MED26: variants seen among roughly 807,000 people sequenced by gnomAD.
MED26 encodes the protein mediator of RNA polymerase II transcription subunit 26.
Under a neutral mutation model 43.7 loss-of-function variants are expected in MED26, and 7 were observed. That is an observed-to-expected ratio of 0.16 (90% CI 0.09 to 0.30). The LOEUF (loss-of-function observed/expected upper bound fraction) is 0.30, where lower values mean the gene tolerates loss of function less well. Ranked by LOEUF, MED26 falls within the 10% of genes least tolerant of loss-of-function variation. The probability of loss-of-function intolerance (pLI) is 1.00; values close to 1 mark genes in which losing one functional copy is unlikely to be tolerated. For missense variants in MED26, 784 were observed against 840.6 expected (o/e 0.93, Z 0.83); for synonymous variants, 375 against 371.1 (o/e 1.01, Z -0.12).
At chr19:16,605,617 C>A (rs545435909) in intron 1 of MED26, among the ~76,000 whole-genome samples, 27 of 152,328 alleles carry the variant, frequency 1.8e-4, no homozygotes, top group African/African-American at 6.3e-4. Flanking sequence ...GGGCGCCCTG[C>A]CAGGAGCAGT....
intron 1 of MED26, among the ~76,000 whole-genome samples, chr19:16,580,575 GT>G (rs1253346168): frequency 6.6e-6 from 1 of 152,032 alleles, no homozygotes; most frequent in East Asian, 1.9e-4. Context: ...GTTTCACCAT[GT>G]TGAAGGCTGG....
intron 1 of MED26, among the ~76,000 whole-genome samples, chr19:16,589,872 G>C (rs533087109): frequency 6.6e-6 from 1 of 152,342 alleles, no homozygotes; most frequent in Non-Finnish European, 1.5e-5. Flanking sequence ...TTGTGGAGGA[G>C]GGGGAGGTGT....
intron 1 of MED26, among the ~76,000 whole-genome samples, chr19:16,581,721 G>A (rs889926658): frequency 6.6e-6 from 1 of 152,250 alleles, no homozygotes; most frequent in South Asian, 2.1e-4. Context: ...CCTGGAAACT[G>A]TGTGGGAGCT....
At chr19:16,597,792 A>T (rs2086128609) in intron 1 of MED26, among the ~76,000 whole-genome samples, 1 of 152,120 alleles carries the variant, frequency 6.6e-6, no homozygotes, top group African/African-American at 2.4e-5. Flanking sequence ...ATGTGATCTC[A>T]GCTCACCGCA....
At chr19:16,578,490 G>A (rs990056183) in intron 1 of MED26, 81 bp from the exon 2 acceptor site, 1 of 1,328,706 alleles carries the variant, frequency 7.5e-7, no homozygotes, top group African/African-American at 1.5e-5. Flanking sequence ...GCCTGCTCCA[G>A]TCTCTCCCCA....
At chr19:16,595,932 A>G (rs1317450384) in intron 1 of MED26, among the ~76,000 whole-genome samples, 1 of 152,126 alleles carries the variant, frequency 6.6e-6, no homozygotes, top group Admixed American at 6.5e-5. Flanking sequence ...TTTTTTCCTT[A>G]GGAATCAATT....
chr19:16,580,751 G>A (rs559246651), intron 1 of MED26, among the ~76,000 whole-genome samples: 27 of 152,238 alleles, frequency 1.8e-4, no homozygotes, highest in Middle Eastern at 3.4e-3. Context: ...AGCTTCTGGA[G>A]GGCACTGCAT....
intron 1 of MED26, among the ~76,000 whole-genome samples, chr19:16,622,774 G>C (rs1178217537): frequency 6.6e-6 from 1 of 152,186 alleles, no homozygotes; most frequent in African/African-American, 2.4e-5. Flanking sequence ...CAGTAACAAA[G>C]CACCCAGTTT....
chr19:16,575,955 C>T lies in MED26; in HGVS notation c.*72G>A. On this transcript the variant is annotated 3_prime_UTR_variant, in exon 3 of 3. Coordinates refer to ENST00000263390, the MANE Select transcript of MED26 (RefSeq NM_004831.5). ...GCGCAGGAGGCAGCTGGGCCCCGGC[C>T]ACCTGCCCACCTGCCTGCCCGCCCA... 1 of 1,465,404 alleles carries T rather than the reference C, an allele frequency of 6.8e-7. No individual in the cohort carries two copies. The highest frequency in any genetic ancestry group is 2.4e-5 in the East Asian group (1 of 42,132). The allele number at this position is 1,465,404 out of a possible 1,614,324, so 90.8% of individuals were successfully genotyped here. A position where few individuals can be genotyped will look rare whatever the true frequency, so the allele number is the denominator to read the frequency against.
At chr19:16,592,454 G>A (rs1367631510) in intron 1 of MED26, among the ~76,000 whole-genome samples, 1 of 152,350 alleles carries the variant, frequency 6.6e-6, no homozygotes. Context: ...GGTGGGGGAC[G>A]TACCGCCACC....
At chr19:16,622,446 AATGTATTCAGAGAAGGC>A (rs2086256238) in intron 1 of MED26, among the ~76,000 whole-genome samples, 1 of 152,246 alleles carries the variant, frequency 6.6e-6, no homozygotes, top group Non-Finnish European at 1.5e-5. Context: ...CAAGGCATGG[AATGTATTCAGAGAAGGC>A]CTTTAAATAC....
chr19:16,615,197 A>T (rs1194312546), intron 1 of MED26, among the ~76,000 whole-genome samples: 1 of 152,118 alleles, frequency 6.6e-6, no homozygotes, highest in Non-Finnish European at 1.5e-5. Flanking sequence ...GAGGCTCTGG[A>T]CCCTGAGACC....
intron 1 of MED26, among the ~76,000 whole-genome samples, chr19:16,615,680 A>C (rs898442642): frequency 5.9e-5 from 9 of 151,654 alleles, no homozygotes; most frequent in Non-Finnish European, 1.2e-4. Flanking sequence ...CAGGAGGCAG[A>C]GGTTGCAATG....
At chr19:16,624,878 G>T (rs887436138) in intron 1 of MED26, among the ~76,000 whole-genome samples, 8 of 152,186 alleles carry the variant, frequency 5.3e-5, no homozygotes, top group Admixed American at 2.6e-4. Flanking sequence ...GCTCTAGAGG[G>T]AGAAGACAAG....
chr19:16,609,941 TAAAAAA>T (rs869040520), intron 1 of MED26, among the ~76,000 whole-genome samples: 3 of 84,670 alleles, frequency 3.5e-5, no homozygotes, highest in African/African-American at 4.7e-5. Flanking sequence ...AAGCACTCTT[TAAAAAA>T]AAAAAAAAAA....
chr19:16,593,127 C>T (rs1472756341), intron 1 of MED26, among the ~76,000 whole-genome samples: 1 of 152,198 alleles, frequency 6.6e-6, no homozygotes, highest in East Asian at 1.9e-4. Context: ...AAGAAATCCT[C>T]CTACGGCCCT....
At chr19:16,580,818 C>T (rs190405207) in intron 1 of MED26, among the ~76,000 whole-genome samples, 4 of 152,268 alleles carry the variant, frequency 2.6e-5, no homozygotes, top group East Asian at 1.9e-4. Context: ...AGTCCTCACC[C>T]GGCATCTCTC....
At chr19:16,609,909 TAA>T (rs2086191876) in intron 1 of MED26, among the ~76,000 whole-genome samples, 1 of 70,272 alleles carries the variant, frequency 1.4e-5, no homozygotes. Flanking sequence ...CCCTAACATA[TAA>T]AAGTTATGTT....
chr19:16,590,812 T>G (rs1433022882), intron 1 of MED26, among the ~76,000 whole-genome samples: 1 of 151,922 alleles, frequency 6.6e-6, no homozygotes, highest in African/African-American at 2.4e-5. Context: ...TGGAGGCAGG[T>G]GGATCACCTG....
Sources: gnomAD v4.1 joint callset for allele counts (sites outside exome capture counted in the v4.1 genomes callset) on GRCh38, gnomAD v4.1.1 for gene constraint, MANE v1.5 for transcripts, NCBI Gene and HGNC (gene_info 2026-07-23, HGNC 2026-07-21) for gene names.